The following SH3BP1 variants were observed in gnomAD, a reference collection of about 807,000 sequenced individuals.
SH3BP1 encodes the protein SH3 domain-binding protein 1.
Under a neutral mutation model 69.8 loss-of-function variants are expected in SH3BP1, and 46 were observed. The observed-to-expected ratio is 0.66, with a 90% CI of 0.52 to 0.84. The LOEUF (loss-of-function observed/expected upper bound fraction) is 0.84. Ranked by LOEUF, SH3BP1 falls within the 40% of genes least tolerant of loss-of-function variation. The probability of loss-of-function intolerance (pLI) is 0.00; values close to 1 mark genes in which losing one functional copy is unlikely to be tolerated. For missense variants in SH3BP1, 868 were observed against 930.9 expected, an observed-to-expected ratio of 0.93 and a Z score of 0.88; for synonymous variants, 403 against 378.0, an observed-to-expected ratio of 1.07 and a Z score of -0.77.
intron 16 of SH3BP1, 141 bp downstream of exon 16, chr22:37,650,866 T>C: frequency 9.5e-6 from 11 of 1,153,358 alleles, no homozygotes; most frequent in South Asian, 1.6e-5. Context: ...TCTCCTAGTT[T>C]GGAGAGGGTG....
chr22:37,639,795 A>T lies in SH3BP1; in HGVS notation c.8A>T (p.Lys3Met). 2 of 1,554,306 alleles carry T rather than the reference A, an allele frequency of 1.3e-6. No homozygotes were observed. Among genetic ancestry groups the T allele is most frequent in the Non-Finnish European group, 8.7e-7 (1 of 1,152,288 alleles). Residue 3 changes from lysine to methionine, a missense_variant, in exon 1 of 18, where the codon AAG (lysine) becomes ATG (methionine). By Grantham distance (95) the Lys-to-Met change is moderately conservative. This residue lies in a region of SH3BP1 where 387 missense variants were observed against 447.9 expected (regional missense o/e 0.86). Coordinates refer to ENST00000649765, the MANE Select transcript of SH3BP1 (RefSeq NM_018957.6). ...CCCCAGCTCGCCCCCAAGATGATGAAGAGGCAGCTGCACCGCATGCGGCAG... is the reference window on the plus strand; with the variant it reads ...CCCCAGCTCGCCCCCAAGATGATGATGAGGCAGCTGCACCGCATGCGGCAG... Reference protein sequence around the residue: MMKRQLHRMRQLA... With the variant: MMMRQLHRMRQLA...
Position 37,650,616 on chromosome 22 carries a change from G to A in SH3BP1, c.1489G>A (p.Glu497Lys). ...CACAGTCAGTGACAGGCTGGCCTCT[G>A]AGGAACTTCCGTCCACTGCCGTGCC... ...QDTVSDRLAS[E>K]ELPSTAVPTP... The change falls in exon 16 of 18, where the codon GAG becomes AAG. Residue 497 changes from glutamate to lysine, a missense_variant. Glu to Lys is a moderately conservative substitution (Grantham distance 56). This residue lies in a region of SH3BP1 where 474 missense variants were observed against 462.3 expected (regional missense o/e 1.03). Coordinates refer to ENST00000649765, the MANE Select transcript of SH3BP1 (RefSeq NM_018957.6). The A allele has an allele frequency of 6.2e-7, 1 of 1,614,014 alleles. No homozygotes were observed.
Position 37,646,940 on chromosome 22 carries a change from CG to C in SH3BP1, c.1036+15del. 1 of 1,506,748 alleles carries C rather than the reference CG, an allele frequency of 6.6e-7. No individual in the cohort carries two copies. 93.3% of individuals were successfully genotyped at this position (1,506,748 alleles called of 1,614,324 possible). A position where few individuals can be genotyped will look rare whatever the true frequency, so the allele number is the denominator to read the frequency against. ...CGCACGCTGTGGCAGGTGCCTGATC[CG>C]GGGAGCCCTGGGCAGGAGGTTGGGG... On this transcript the variant is annotated intron_variant, in intron 11 of 17. Transcript: ENST00000649765.
At position 37,641,385 on chromosome 22, in the gene SH3BP1, G is replaced by A; in HGVS notation, c.114G>A (p.Arg38=). 6.4e-7 allele frequency: 1 copy of A among 1,550,904 alleles called. No homozygotes were observed. Among genetic ancestry groups the A allele is most frequent in the Non-Finnish European group, 8.7e-7 (1 of 1,147,002 alleles). The change falls in exon 3 of 18, where the codon CGG becomes CGA. Residue 38 remains arginine (R), a synonymous_variant. Transcript: ENST00000649765. ...LGEDLLQVEQ[R]LEPAKRAAHN... The stretch of plus-strand genomic sequence containing the variant: ...TACCTCCTTCCCAGGTAGAACAGCG[G>A]CTGGAGCCGGCCAAGCGGGCAGCCC...
chr22:37,651,893 GC>G (rs1389925802), intron 16 of SH3BP1, among the ~76,000 whole-genome samples: 2 of 151,806 alleles, frequency 1.3e-5, no homozygotes, highest in Admixed American at 6.6e-5. Flanking sequence ...GAGCGTGGGG[GC>G]TACTTTAGCT....
intron 6 of SH3BP1, 50 bp from the exon 7 acceptor site, chr22:37,643,575 ATGGAGGGGACACTTGGCTC>A: frequency 6.3e-7 from 1 of 1,598,934 alleles, no homozygotes. Context: ...GGTCTGCTGT[ATGGAGGGGACACTTGGCTC>A]TGGACATGCA....
At position 37,655,813 on chromosome 22, in the gene SH3BP1, CTGGGTCGGCCCCCA is replaced by C; in HGVS notation, c.*133_*146del. ...TTGCCCACAAGTGCCTCAGTGCCCA[CTGGGTCGGCCCCCA>C]TGGCCAGGAGGGCTCAGGACAATCC... On this transcript the variant is annotated 3_prime_UTR_variant, in exon 18 of 18. Transcript: ENST00000649765. 2 of 1,460,580 alleles carry C rather than the reference CTGGGTCGGCCCCCA, an allele frequency of 1.4e-6. No individual in the cohort carries two copies. The highest frequency in any genetic ancestry group is 1.8e-6 in the Non-Finnish European group (2 of 1,112,950). The allele number at this position is 1,460,580 out of a possible 1,614,324, so 90.5% of individuals were successfully genotyped here. A position where few individuals can be genotyped will look rare whatever the true frequency, so the allele number is the denominator to read the frequency against.
intron 16 of SH3BP1, 110 bp from the exon 17 acceptor site, chr22:37,653,669 G>A (rs1932933797): frequency 1.3e-6 from 1 of 755,544 alleles, no homozygotes. Context: ...GTGATAGAGA[G>A]CGAGTGCTGG....
At chr22:37,651,392 T>C (rs1353970527) in intron 16 of SH3BP1, among the ~76,000 whole-genome samples, 1 of 150,082 alleles carries the variant, frequency 6.7e-6, no homozygotes, top group Non-Finnish European at 1.5e-5. Context: ...TGGAGTGCAA[T>C]GGCGAGATCT....
rs779047496 is a variant in SH3BP1, at chr22:37,645,465, C to T, written c.879C>T (p.Ile293=). The change falls in exon 10 of 18, where the codon ATC becomes ATT. Residue 293 remains isoleucine, a synonymous_variant. Transcript: ENST00000649765. ...QELGREIALP[I]EACVMMLLSE... is the part of the protein sequence containing the mutation. ...TGGGCCGGGAGATTGCCCTGCCCAT[C>T]GAGGCCTGCGTCATGATGCTGCTTT... 9 of 1,613,578 alleles carry T rather than the reference C, an allele frequency of 5.6e-6. No homozygotes were observed. Among genetic ancestry groups the T allele is most frequent in the South Asian group, 3.3e-5 (3 of 91,056 alleles).
intron 3 of SH3BP1, chr22:37,641,744 G>C: frequency 4.7e-6 from 2 of 423,976 alleles, no homozygotes; most frequent in Non-Finnish European, 4.2e-6. Flanking sequence ...CAATCAGTGC[G>C]CAAGAGCAGG....
rs183086005 is a variant in SH3BP1 at position 37,644,797 on chromosome 22, G to A, written c.688-73G>A. Reference sequence around the variant, plus strand: ...GGGGCTCTAAGATGGTGGAGGGGGCGTCTGCTCTCAAGGACCCTATAGAAG... The same window carrying A: ...GGGGCTCTAAGATGGTGGAGGGGGCATCTGCTCTCAAGGACCCTATAGAAG... On this transcript the variant is annotated intron_variant, in intron 8 of 17. Coordinates refer to ENST00000649765, the MANE Select transcript of SH3BP1 (RefSeq NM_018957.6). 947 of 1,601,962 alleles carry A rather than the reference G, an allele frequency of 5.9e-4. 11 individuals are homozygous for A. In the South Asian group the frequency reaches 6.8e-3, roughly 11 times the overall value.
intron 3 of SH3BP1, 193 bp from the exon 4 acceptor site, chr22:37,642,346 A>T: frequency 5.1e-6 from 3 of 590,548 alleles, no homozygotes; most frequent in Non-Finnish European, 9.1e-6. Flanking sequence ...AGGGCACGCC[A>T]GATGGAGAGG....
chr22:37,642,835 G>C, intron 4 of SH3BP1, 60 bp from the exon 5 acceptor site: 1 of 1,593,164 alleles, frequency 6.3e-7, no homozygotes. Context: ...GCCCCACCAA[G>C]TGTTTCCAGT....
chr22:37,653,944 C>T (rs1932945172), intron 17 of SH3BP1, 71 bp downstream of exon 17: 1 of 1,153,976 alleles, frequency 8.7e-7, no homozygotes, highest in Admixed American at 2.1e-5. Context: ...GTCCCAGGTC[C>T]TCCTATCTTT....
chr22:37,648,386 A>G lies in SH3BP1; in HGVS notation c.1267A>G (p.Ile423Val), dbSNP rs1184067418. ...GGTGAACAAGATGACACCCAGCAAC[A>G]TCGCCATAGTCCTGGGACCCAACTT... ...QEVNKMTPSN[I>V]AIVLGPNLLW... The change falls in exon 14 of 18, where the codon ATC (isoleucine) becomes GTC (valine). Residue 423 changes from isoleucine to valine, a missense_variant. Physicochemically the swap from Ile to Val is conservative, Grantham distance 29 (BLOSUM62 3). Around this residue, in one of 3 missense-constraint regions of SH3BP1, gnomAD observed 474 missense variants for 462.3 expected, o/e 1.03. Transcript: ENST00000649765. 6.4e-7 allele frequency: 1 copy of G among 1,570,062 alleles called. No individual in the cohort carries two copies. The highest frequency in any genetic ancestry group is 1.3e-5 in the African/African-American group (1 of 74,392).
intron 16 of SH3BP1, among the ~76,000 whole-genome samples, chr22:37,653,512 C>A (rs2146075434): frequency 6.6e-6 from 1 of 152,264 alleles, no homozygotes; most frequent in Non-Finnish European, 1.5e-5. Context: ...CCTGGCCCTA[C>A]CTACCAGGCA....
rs1255880787 is a variant in SH3BP1 at position 37,643,706 on chromosome 22, A to G, written c.536A>G (p.His179Arg). 6 of 1,613,974 alleles carry G rather than the reference A, an allele frequency of 3.7e-6. No homozygotes were observed. Among genetic ancestry groups the G allele is most frequent in the Non-Finnish European group, 5.1e-6 (6 of 1,180,038 alleles). Residue 179 changes from histidine (H) to arginine (R), a missense_variant, in exon 7 of 18, where the codon CAC (histidine) becomes CGC (arginine). This residue lies in a region of SH3BP1 where 387 missense variants were observed against 447.9 expected (regional missense o/e 0.86). Coordinates refer to ENST00000649765, the MANE Select transcript of SH3BP1 (RefSeq NM_018957.6). ...GGCCTAGGAGGCAGCCCGGGTAGTC[A>G]CAGCCATACGACCATGGCCAACAAG... ...SQGLGGSPGSHSHTTMANKVE... is the reference protein window; with the variant it reads ...SQGLGGSPGSRSHTTMANKVE...
intron 7 of SH3BP1, among the ~76,000 whole-genome samples, chr22:37,644,309 G>A (rs2146050585): frequency 6.6e-6 from 1 of 152,334 alleles, no homozygotes; most frequent in Middle Eastern, 3.4e-3. Flanking sequence ...AGCCCAGGAG[G>A]CGGAGGTTGC....
Sources: allele counts gnomAD v4.1 joint callset (sites outside exome capture counted in the v4.1 genomes callset), GRCh38; gene constraint gnomAD v4.1.1; regional missense constraint gnomAD v4.1.1; transcripts MANE v1.5; gene names NCBI Gene and HGNC (gene_info 2026-07-23, HGNC 2026-07-21).